CTNND2: variants seen among roughly 807,000 people sequenced by gnomAD.
CTNND2 encodes catenin delta 2, also known as catenin delta-2.
Under a neutral mutation model 144.4 loss-of-function variants are expected in CTNND2, and 22 were observed. The ratio of observed to expected loss-of-function variants is 0.15; its 90% CI spans 0.11 to 0.22. The LOEUF (loss-of-function observed/expected upper bound fraction) is 0.22. Ranked by LOEUF, CTNND2 falls within the 10% of genes least tolerant of loss-of-function variation. The pLI is 1.00. For missense variants in CTNND2, 1,353 were observed against 1,618.8 expected, an observed-to-expected ratio of 0.84 and a Z score of 2.82; for synonymous variants, 751 against 695.6, an observed-to-expected ratio of 1.08 and a Z score of -1.25.
At chr5:11,334,409 A>AGTCAGTG (rs2149720782) in intron 9 of CTNND2, among the ~76,000 whole-genome samples, 2 of 152,326 alleles carry the variant, frequency 1.3e-5, no homozygotes, top group South Asian at 4.1e-4. Flanking sequence ...TGGGTTTCTA[A>AGTCAGTG]GTCAGTGTTC....
intron 3 of CTNND2, among the ~76,000 whole-genome samples, chr5:11,513,861 T>C (rs1771880784): frequency 1.3e-5 from 2 of 152,272 alleles, no homozygotes; most frequent in Non-Finnish European, 2.9e-5. Context: ...TATTAACAAG[T>C]ATTTGTATAA....
At chr5:11,003,368 T>C (rs1278365891) in intron 18 of CTNND2, among the ~76,000 whole-genome samples, 1 of 152,190 alleles carries the variant, frequency 6.6e-6, no homozygotes, top group African/African-American at 2.4e-5. Flanking sequence ...ATCATTGCCT[T>C]AGGTAACCAG....
intron 8 of CTNND2, among the ~76,000 whole-genome samples, chr5:11,359,019 G>A (rs1756181159): frequency 1.3e-5 from 2 of 152,156 alleles, no homozygotes; most frequent in South Asian, 2.1e-4. Flanking sequence ...ATGTGTTTAA[G>A]GGGTTGTCAG....
At chr5:11,545,781 G>A (rs999676375) in intron 3 of CTNND2, among the ~76,000 whole-genome samples, 13 of 151,786 alleles carry the variant, frequency 8.6e-5, no homozygotes, top group Admixed American at 3.9e-4. Flanking sequence ...ACAAACATGT[G>A]TGTCCACATA....
At chr5:11,204,313 A>C (rs1395705504) in intron 10 of CTNND2, among the ~76,000 whole-genome samples, 2 of 147,588 alleles carry the variant, frequency 1.4e-5, no homozygotes, top group African/African-American at 2.4e-5. Flanking sequence ...AGTTTGCACC[A>C]GGGGAGAATA....
At chr5:11,858,842 T>C (rs13155075) in intron 1 of CTNND2, among the ~76,000 whole-genome samples, 99,547 of 151,948 alleles carry the variant, frequency 0.66, 33,136 homozygotes, top group East Asian at 0.81. Context: ...GGCAGGAGAA[T>C]GGCGTGAACC....
At chr5:11,191,263 C>T (rs1736213878) in intron 11 of CTNND2, among the ~76,000 whole-genome samples, 1 of 152,102 alleles carries the variant, frequency 6.6e-6, no homozygotes, top group African/African-American at 2.4e-5. Flanking sequence ...CAAATCAATT[C>T]CATCATAAAA....
intron 2 of CTNND2, among the ~76,000 whole-genome samples, chr5:11,630,593 G>T (rs946798248): frequency 6.6e-6 from 1 of 152,064 alleles, no homozygotes; most frequent in Non-Finnish European, 1.5e-5. Context: ...TTTCCATTAG[G>T]ATAAGTTTTT....
intron 1 of CTNND2, among the ~76,000 whole-genome samples, chr5:11,748,825 C>A (rs538822633): frequency 1.3e-5 from 2 of 152,018 alleles, no homozygotes; most frequent in Non-Finnish European, 2.9e-5. Flanking sequence ...CCTCTCTTCA[C>A]GAAGTAGAGC....
At chr5:11,399,571 C>T (rs1760453751) in intron 5 of CTNND2, among the ~76,000 whole-genome samples, 1 of 152,156 alleles carries the variant, frequency 6.6e-6, no homozygotes, top group Non-Finnish European at 1.5e-5. Context: ...AATGTAAAGT[C>T]CCTTTTCAAA....
At chr5:11,591,439 A>G (rs1304589590) in intron 2 of CTNND2, among the ~76,000 whole-genome samples, 1 of 151,932 alleles carries the variant, frequency 6.6e-6, no homozygotes, top group African/African-American at 2.4e-5. Context: ...TTCTACATCT[A>G]TTGCCTTTTT....
intron 1 of CTNND2, among the ~76,000 whole-genome samples, chr5:11,788,444 G>A (rs879391219): frequency 3.3e-5 from 5 of 152,126 alleles, no homozygotes; most frequent in Non-Finnish European, 7.3e-5. Flanking sequence ...TGTGTTTAGT[G>A]GGAAGATGAA....
intron 12 of CTNND2, among the ~76,000 whole-genome samples, chr5:11,128,797 ATATATATAC>A (rs1383440765): frequency 2.3e-5 from 1 of 44,210 alleles, no homozygotes; most frequent in African/African-American, 1.1e-4. Context: ...AATATATATT[ATATATATAC>A]AATATATATA....
At chr5:11,826,164 G>A (rs1025312925) in intron 1 of CTNND2, among the ~76,000 whole-genome samples, 9 of 151,874 alleles carry the variant, frequency 5.9e-5, no homozygotes, top group Admixed American at 5.9e-4. Context: ...CTATTATTGT[G>A]GATTTTACAA....
At chr5:11,697,990 T>C (rs76042611) in intron 2 of CTNND2, among the ~76,000 whole-genome samples, 1,703 of 152,286 alleles carry the variant, frequency 0.011, 31 homozygotes, top group African/African-American at 0.04. Context: ...ACCTTGCTTT[T>C]ATTCTAAGCT....
At chr5:11,508,846 G>A (rs1460325436) in intron 3 of CTNND2, among the ~76,000 whole-genome samples, 1 of 152,068 alleles carries the variant, frequency 6.6e-6, no homozygotes, top group African/African-American at 2.4e-5. Context: ...GGGAAGCAGA[G>A]GTTGCGGTGA....
chr5:11,640,602 G>A (rs116028021), intron 2 of CTNND2, among the ~76,000 whole-genome samples: 67 of 152,296 alleles, frequency 4.4e-4, no homozygotes, highest in African/African-American at 1.6e-3. Context: ...GTTCAAACCT[G>A]CACGTGCCCT....
intron 16 of CTNND2, among the ~76,000 whole-genome samples, chr5:11,072,256 A>G (rs370769699): frequency 6.6e-6 from 1 of 152,362 alleles, no homozygotes; most frequent in African/African-American, 2.4e-5. Flanking sequence ...AGTGAGCCTT[A>G]ATTGAAAGTA....
chr5:11,423,520 C>A (rs1285069935), intron 3 of CTNND2, among the ~76,000 whole-genome samples: 1 of 152,178 alleles, frequency 6.6e-6, no homozygotes, highest in Non-Finnish European at 1.5e-5. Context: ...GTCGGACCAT[C>A]TCAGTTAAGG....
Sources: gnomAD v4.1 joint callset for allele counts (sites outside exome capture counted in the v4.1 genomes callset) on GRCh38, gnomAD v4.1.1 for gene constraint, MANE v1.5 for transcripts, NCBI Gene and HGNC (gene_info 2026-07-23, HGNC 2026-07-21) for gene names.